The following BMAL2 variants were observed in gnomAD, a reference collection of about 807,000 sequenced individuals.
BMAL2 encodes the protein basic helix-loop-helix ARNT like 2.
At chr12:27,352,403 A>C in the BMAL2 span, among the ~76,000 whole-genome samples, 16 of 152,338 alleles carry the variant, frequency 1.1e-4, no homozygotes, top group Non-Finnish European at 2.1e-4. Flanking sequence ...CTAGGCATCG[A>C]AGGAACATAC....
chr12:27,378,946 G>A, the BMAL2 span, among the ~76,000 whole-genome samples: 16 of 152,194 alleles, frequency 1.1e-4, no homozygotes, highest in South Asian at 1.2e-3. Context: ...GTATCCAATC[G>A]TTTGGTTTCC....
the BMAL2 span, among the ~76,000 whole-genome samples, chr12:27,377,131 TTTTTCTCCACTTATTTTG>T: frequency 6.6e-6 from 1 of 152,238 alleles, no homozygotes; most frequent in African/African-American, 2.4e-5. Flanking sequence ...AGAGTTTTGC[TTTTTCTCCACTTATTTTG>T]TTTTCTGATA....
chr12:27,378,970 G>A, the BMAL2 span, among the ~76,000 whole-genome samples: 3 of 152,038 alleles, frequency 2.0e-5, no homozygotes, highest in African/African-American at 7.2e-5. Flanking sequence ...GGTCACGTTG[G>A]AAGAAGAAAA....
At chr12:27,417,411 C>T in the BMAL2 span, among the ~76,000 whole-genome samples, 1 of 152,320 alleles carries the variant, frequency 6.6e-6, no homozygotes, top group East Asian at 1.9e-4. Context: ...TTTTCTTCTT[C>T]ATCCAAAACT....
chr12:27,379,180 A>G, the BMAL2 span, among the ~76,000 whole-genome samples: 1 of 152,226 alleles, frequency 6.6e-6, no homozygotes, highest in African/African-American at 2.4e-5. Flanking sequence ...TATAGAAGGA[A>G]GATAAACCCT....
chr12:27,353,290 G>A, the BMAL2 span, among the ~76,000 whole-genome samples: 3 of 152,154 alleles, frequency 2.0e-5, no homozygotes, highest in Non-Finnish European at 4.4e-5. Flanking sequence ...ACAACCATCT[G>A]ATCTTCGACA....
chr12:27,384,262 G>A, the BMAL2 span, among the ~76,000 whole-genome samples: 1 of 152,184 alleles, frequency 6.6e-6, no homozygotes, highest in Admixed American at 6.5e-5. Context: ...ATTTCCCTTG[G>A]TTTTGGCCTG....
chr12:27,342,643 A>C, the BMAL2 span, among the ~76,000 whole-genome samples: 1 of 152,284 alleles, frequency 6.6e-6, no homozygotes, highest in Non-Finnish European at 1.5e-5. Context: ...TTCCTTGAAC[A>C]CGTACCAGCT....
chr12:27,371,280 C>T, the BMAL2 span, among the ~76,000 whole-genome samples: 3 of 152,044 alleles, frequency 2.0e-5, no homozygotes, highest in Admixed American at 6.6e-5. Flanking sequence ...CCCAGAAGTT[C>T]GAGGCTGCAG....
the BMAL2 span, among the ~76,000 whole-genome samples, chr12:27,412,396 A>G: frequency 6.6e-6 from 1 of 152,212 alleles, no homozygotes; most frequent in East Asian, 1.9e-4. Flanking sequence ...CAAGTAGTAG[A>G]GGAACTTAAA....
At chr12:27,336,537 CCT>C in the BMAL2 span, among the ~76,000 whole-genome samples, 2 of 152,162 alleles carry the variant, frequency 1.3e-5, no homozygotes, top group East Asian at 1.9e-4. Flanking sequence ...CCTGCCGCAC[CCT>C]GTTTCCTTCT....
At chr12:27,374,494 T>C in the BMAL2 span, among the ~76,000 whole-genome samples, 1 of 152,214 alleles carries the variant, frequency 6.6e-6, no homozygotes, top group Non-Finnish European at 1.5e-5. Flanking sequence ...CAGAAGGCTC[T>C]GGAGCCAGTC....
the BMAL2 span, among the ~76,000 whole-genome samples, chr12:27,381,753 C>T: frequency 6.6e-6 from 1 of 152,122 alleles, no homozygotes; most frequent in African/African-American, 2.4e-5. Flanking sequence ...TTCGATTTAC[C>T]AATGCCGATG....
the BMAL2 span, among the ~76,000 whole-genome samples, chr12:27,392,785 T>A: frequency 2.6e-5 from 4 of 152,348 alleles, no homozygotes; most frequent in African/African-American, 9.6e-5. Context: ...ATTTTGTATG[T>A]GTTTTAAAGA....
chr12:27,418,395 G>C, the BMAL2 span, among the ~76,000 whole-genome samples: 2 of 150,132 alleles, frequency 1.3e-5, no homozygotes, highest in Admixed American at 1.3e-4. Context: ...GAGGCTAGAA[G>C]TTCAAACCAG....
the BMAL2 span, among the ~76,000 whole-genome samples, chr12:27,334,239 G>C: frequency 6.6e-6 from 1 of 152,176 alleles, no homozygotes; most frequent in African/African-American, 2.4e-5. Flanking sequence ...CACCCTTTCT[G>C]CTCCGTCTTG....
At chr12:27,385,567 A>G in the BMAL2 span, 22 of 1,554,852 alleles carry the variant, frequency 1.4e-5, no homozygotes, top group South Asian at 2.5e-4. Context: ...TAAGGTAACT[A>G]AAGATATATT....
At chr12:27,360,892 T>A in the BMAL2 span, among the ~76,000 whole-genome samples, 2 of 149,796 alleles carry the variant, frequency 1.3e-5, no homozygotes, top group East Asian at 3.9e-4. Flanking sequence ...TCTCAGAAGT[T>A]AAGAATTAAA....
At chr12:27,400,447 A>G in the BMAL2 span, 5 of 1,137,580 alleles carry the variant, frequency 4.4e-6, no homozygotes, top group Admixed American at 8.2e-5. Flanking sequence ...TTATAGCACA[A>G]TTATAACTAT....
Sources: gnomAD v4.1 joint callset for allele counts (sites outside exome capture counted in the v4.1 genomes callset) on GRCh38, gnomAD v4.1.1 for gene constraint, MANE v1.5 for transcripts, NCBI Gene and HGNC (gene_info 2026-07-23, HGNC 2026-07-21) for gene names.